Variants in TTC39B observed in about 807,000 individuals in gnomAD.
TTC39B encodes the protein tetratricopeptide repeat domain 39B.
TTC39B carries 92 observed loss-of-function variants against 96.6 expected under a neutral mutation model. The ratio of observed to expected loss-of-function variants is 0.95; its 90% CI spans 0.80 to 1.13. The LOEUF (loss-of-function observed/expected upper bound fraction) is 1.13, where lower values mean the gene tolerates loss of function less well. Ranked by LOEUF, TTC39B falls within the 50% of genes most tolerant of loss-of-function variation. TTC39B has a pLI of 0.00. For missense variants in TTC39B, 955 were observed against 809.3 expected (o/e 1.18, Z -2.18); for synonymous variants, 367 against 299.4 (o/e 1.23, Z -2.33).
At chr9:15,192,777 C>A in intron 8 of TTC39B, 82 bp from the exon 9 acceptor site, 1 of 926,818 alleles carries the variant, frequency 1.1e-6, no homozygotes, top group Non-Finnish European at 1.7e-6. Context: ...CACTTATGTG[C>A]TATAAAATAA....
At chr9:15,262,374 C>T (rs1310865917) in intron 2 of TTC39B, among the ~76,000 whole-genome samples, 1 of 152,230 alleles carries the variant, frequency 6.6e-6, no homozygotes, top group Non-Finnish European at 1.5e-5. Flanking sequence ...GCTGGGATTA[C>T]AGGCGTGAGC....
exon 20 of TTC39B, chr9:15,168,588 G>A (rs1322612397): frequency 6.6e-6 from 1 of 152,116 alleles, no homozygotes; most frequent in African/African-American, 2.4e-5. Flanking sequence ...AAAAAGGAGT[G>A]GATCACGAGT....
intron 15 of TTC39B, 187 bp downstream of exon 15, chr9:15,186,756 AT>A: frequency 1.8e-6 from 1 of 550,450 alleles, no homozygotes; most frequent in Non-Finnish European, 3.3e-6. Flanking sequence ...GTGCAATGGC[AT>A]TATTTCAGCT....
chr9:15,183,099 T>G (rs927275588), intron 16 of TTC39B, among the ~76,000 whole-genome samples: 1 of 152,136 alleles, frequency 6.6e-6, no homozygotes, highest in South Asian at 2.1e-4. Context: ...TTGAAGGGTA[T>G]GAAGTAAGCA....
chr9:15,204,194 T>C (rs1347139341), intron 6 of TTC39B, among the ~76,000 whole-genome samples: 1 of 152,138 alleles, frequency 6.6e-6, no homozygotes, highest in Non-Finnish European at 1.5e-5. Context: ...AAAAGCACTT[T>C]TTTAAAAAAG....
chr9:15,209,013 C>A (rs1012225162), intron 6 of TTC39B, among the ~76,000 whole-genome samples: 3 of 152,152 alleles, frequency 2.0e-5, no homozygotes, highest in African/African-American at 7.2e-5. Context: ...AAAGCTACTT[C>A]TAGTAGCTTT....
chr9:15,294,016 C>A (rs1824283293), intron 1 of TTC39B, among the ~76,000 whole-genome samples: 1 of 152,182 alleles, frequency 6.6e-6, no homozygotes, highest in Non-Finnish European at 1.5e-5. Context: ...CTCCAGAGAT[C>A]GACTGATTCA....
chr9:15,252,131 A>G (rs2131510025), intron 2 of TTC39B, among the ~76,000 whole-genome samples: 2 of 152,316 alleles, frequency 1.3e-5, no homozygotes, highest in South Asian at 4.1e-4. Flanking sequence ...GGAAAAGAGA[A>G]CTGCAAGCCC....
chr9:15,285,048 T>C (rs1351622881), intron 1 of TTC39B, among the ~76,000 whole-genome samples: 1 of 151,956 alleles, frequency 6.6e-6, no homozygotes, highest in East Asian at 1.9e-4. Context: ...GATCACGAGG[T>C]CAGGAAATCG....
At chr9:15,258,331 T>A (rs890569238) in intron 2 of TTC39B, among the ~76,000 whole-genome samples, 3 of 152,286 alleles carry the variant, frequency 2.0e-5, no homozygotes, top group Non-Finnish European at 4.4e-5. Flanking sequence ...ATCAAAGATG[T>A]CTCCCAAGCT....
intron 2 of TTC39B, among the ~76,000 whole-genome samples, chr9:15,244,058 T>C (rs529737991): frequency 3.9e-5 from 6 of 152,354 alleles, no homozygotes; most frequent in African/African-American, 1.4e-4. Context: ...CCAGAGCCTG[T>C]ATCTTTTCAA....
At chr9:15,298,283 C>T (rs181523306) in intron 1 of TTC39B, among the ~76,000 whole-genome samples, 22 of 152,278 alleles carry the variant, frequency 1.4e-4, no homozygotes, top group Admixed American at 5.9e-4. Flanking sequence ...GACTGAGCCA[C>T]GCTACCAGCC....
intron 8 of TTC39B, among the ~76,000 whole-genome samples, chr9:15,195,461 G>C (rs1260675082): frequency 6.6e-6 from 1 of 151,978 alleles, no homozygotes; most frequent in Non-Finnish European, 1.5e-5. Context: ...ATGAGGTCAG[G>C]AGTTTGAGAC....
intron 2 of TTC39B, among the ~76,000 whole-genome samples, chr9:15,248,602 TTGAATGAA>T (rs56177200): frequency 5.6e-4 from 85 of 151,366 alleles, no homozygotes; most frequent in African/African-American, 1.7e-3. Flanking sequence ...GTAAACATTT[TTGAATGAA>T]TGAATGAATG....
intron 1 of TTC39B, among the ~76,000 whole-genome samples, chr9:15,291,240 G>A (rs529475354): frequency 5.9e-5 from 9 of 152,304 alleles, no homozygotes; most frequent in South Asian, 2.1e-4. Context: ...ACTCCCATGC[G>A]CTGTGGGAGG....
rs181398755 is a variant in TTC39B at position 15,183,288 on chromosome 9, A to T, written c.1615-873T>A. The T allele has an allele frequency of 7.9e-5, 32 of 406,972 alleles. No homozygotes were observed. The Admixed American group carries it at 1.0e-3, about 13-fold the overall frequency. 25.2% of individuals were successfully genotyped at this position (406,972 alleles called of 1,614,324 possible). ...CATGACACTCTACCTTCAATTTTAC[A>T]TGTAACAATTTATTGCTGCTAATAG... On this transcript the variant is annotated intron_variant, in intron 16 of 19. Transcript: ENST00000512701.
At chr9:15,229,721 A>G (rs1294448969) in intron 2 of TTC39B, among the ~76,000 whole-genome samples, 1 of 152,186 alleles carries the variant, frequency 6.6e-6, no homozygotes, top group Non-Finnish European at 1.5e-5. Context: ...GTTTCTGGGC[A>G]TTCTTTTGTT....
At chr9:15,214,935 C>A (rs1167534756) in intron 3 of TTC39B, among the ~76,000 whole-genome samples, 2 of 152,056 alleles carry the variant, frequency 1.3e-5, no homozygotes, top group Non-Finnish European at 2.9e-5. Flanking sequence ...AGTAAATGAG[C>A]AGTAGGATGA....
chr9:15,189,692 G>C, intron 12 of TTC39B, 33 bp downstream of exon 12: 1 of 1,613,994 alleles, frequency 6.2e-7, no homozygotes. Flanking sequence ...ATTAATTATG[G>C]TTGAAACATA....
Sources: gnomAD v4.1 joint callset for allele counts (sites outside exome capture counted in the v4.1 genomes callset) on GRCh38, gnomAD v4.1.1 for gene constraint, MANE v1.5 for transcripts, NCBI Gene and HGNC (gene_info 2026-07-23, HGNC 2026-07-21) for gene names.